Variants in MAGI2 observed in about 807,000 individuals in gnomAD.
MAGI2 encodes membrane associated guanylate kinase, WW and PDZ domain containing 2.
Under a neutral mutation model 133.3 loss-of-function variants are expected in MAGI2, and 35 were observed. That is an observed-to-expected ratio of 0.26 (90% CI 0.20 to 0.35). MAGI2 has a LOEUF of 0.35. Ranked by LOEUF, MAGI2 falls within the 10% of genes least tolerant of loss-of-function variation. The pLI is 1.00. For missense variants in MAGI2, 1,636 were observed against 1,863.4 expected, an observed-to-expected ratio of 0.88 and a Z score of 2.25; for synonymous variants, 729 against 710.6, an observed-to-expected ratio of 1.03 and a Z score of -0.41.
intron 18 of MAGI2, among the ~76,000 whole-genome samples, chr7:78,132,029 C>G (rs553533791): frequency 6.6e-6 from 1 of 152,236 alleles, no homozygotes; most frequent in Non-Finnish European, 1.5e-5. Flanking sequence ...CGTGTACCAC[C>G]ACAACCGGCT....
chr7:79,394,290 C>T (rs771132001), intron 1 of MAGI2, among the ~76,000 whole-genome samples: 5 of 152,134 alleles, frequency 3.3e-5, no homozygotes, highest in African/African-American at 9.7e-5. Context: ...ATGCCAGTCT[C>T]AACTGGAAAA....
chr7:79,251,804 A>G (rs1833295317), intron 1 of MAGI2, among the ~76,000 whole-genome samples: 1 of 152,182 alleles, frequency 6.6e-6, no homozygotes, highest in Non-Finnish European at 1.5e-5. Context: ...CTGCAGCACT[A>G]TTAACAATAG....
chr7:78,986,637 T>G (rs1259100630), intron 2 of MAGI2, among the ~76,000 whole-genome samples: 1 of 151,958 alleles, frequency 6.6e-6, no homozygotes, highest in African/African-American at 2.4e-5. Context: ...TCCTCCTGCC[T>G]TGGGCTCACA....
At chr7:79,420,787 T>A (rs1846902113) in intron 1 of MAGI2, among the ~76,000 whole-genome samples, 1 of 151,940 alleles carries the variant, frequency 6.6e-6, no homozygotes, top group Non-Finnish European at 1.5e-5. Context: ...ACCATAAAAA[T>A]CCAGAGGATG....
At chr7:78,655,756 C>A (rs1236528052) in intron 2 of MAGI2, among the ~76,000 whole-genome samples, 5 of 151,660 alleles carry the variant, frequency 3.3e-5, no homozygotes, top group African/African-American at 1.2e-4. Context: ...CCGAGGCGGG[C>A]GGATCACGAG....
At chr7:78,933,407 T>G (rs1394999326) in intron 2 of MAGI2, among the ~76,000 whole-genome samples, 2 of 152,134 alleles carry the variant, frequency 1.3e-5, no homozygotes, top group Non-Finnish European at 2.9e-5. Flanking sequence ...AGGTATCATA[T>G]AAACTGTTGC....
At chr7:78,941,342 A>G (rs559117144) in intron 2 of MAGI2, among the ~76,000 whole-genome samples, 3 of 152,092 alleles carry the variant, frequency 2.0e-5, no homozygotes, top group African/African-American at 7.2e-5. Flanking sequence ...GGTAATTTCT[A>G]TTTCTTTTTG....
At chr7:78,476,138 T>C (rs1371062657) in intron 6 of MAGI2, among the ~76,000 whole-genome samples, 3 of 151,950 alleles carry the variant, frequency 2.0e-5, no homozygotes, top group Non-Finnish European at 4.4e-5. Context: ...GTCTGTCATA[T>C]GGACAACCAG....
intron 1 of MAGI2, among the ~76,000 whole-genome samples, chr7:79,178,855 A>G (rs549011951): frequency 2.9e-4 from 44 of 152,156 alleles, no homozygotes; most frequent in Non-Finnish European, 5.1e-4. Context: ...AATATAGCAA[A>G]AGTTTGCCAT....
chr7:79,348,523 T>A (rs559062637), intron 1 of MAGI2, among the ~76,000 whole-genome samples: 1 of 152,060 alleles, frequency 6.6e-6, no homozygotes, highest in South Asian at 2.1e-4. Context: ...CAAATCTGCC[T>A]TATCAATTTC....
At chr7:78,665,579 A>G (rs1234344037) in intron 2 of MAGI2, among the ~76,000 whole-genome samples, 2 of 152,140 alleles carry the variant, frequency 1.3e-5, no homozygotes, top group East Asian at 3.9e-4. Context: ...GTTGATTTGG[A>G]TTATTACTTG....
At chr7:78,234,306 A>G (rs1302520823) in intron 10 of MAGI2, among the ~76,000 whole-genome samples, 1 of 152,198 alleles carries the variant, frequency 6.6e-6, no homozygotes, top group Non-Finnish European at 1.5e-5. Flanking sequence ...ACTGCTTCTG[A>G]ACTGAAATGC....
intron 2 of MAGI2, among the ~76,000 whole-genome samples, chr7:78,853,329 G>GTTTTTTTTTT (rs1563581211): frequency 2.1e-5 from 1 of 47,210 alleles, no homozygotes; most frequent in Admixed American, 2.7e-4. Context: ...TTGTCCATTC[G>GTTTTTTTTTT]TTCTTTTTTT....
intron 1 of MAGI2, among the ~76,000 whole-genome samples, chr7:79,154,163 A>C (rs146423011): frequency 2.8e-4 from 43 of 152,286 alleles, no homozygotes; most frequent in African/African-American, 1.0e-3. Context: ...CAACAGGTGA[A>C]AGTTAGTTTC....
At chr7:78,449,839 G>A (rs553246028) in intron 6 of MAGI2, among the ~76,000 whole-genome samples, 1 of 152,018 alleles carries the variant, frequency 6.6e-6, no homozygotes, top group African/African-American at 2.4e-5. Context: ...GTAATCAGAA[G>A]AGAATTAAAA....
At chr7:78,610,819 C>T (rs1286458822) in intron 3 of MAGI2, among the ~76,000 whole-genome samples, 1 of 152,092 alleles carries the variant, frequency 6.6e-6, no homozygotes, top group Non-Finnish European at 1.5e-5. Flanking sequence ...GTCAAGGAGG[C>T]ACAAATAGAA....
chr7:78,740,567 A>G (rs1484370704), intron 2 of MAGI2, among the ~76,000 whole-genome samples: 1 of 152,172 alleles, frequency 6.6e-6, no homozygotes, highest in Admixed American at 6.5e-5. Context: ...ATGACTGTCC[A>G]GTTTTAGGTG....
chr7:78,621,616 G>A (rs1369366610), intron 3 of MAGI2, among the ~76,000 whole-genome samples: 2 of 151,936 alleles, frequency 1.3e-5, no homozygotes, highest in Admixed American at 6.6e-5. Flanking sequence ...GCAGAAGAAA[G>A]GCTTTAAGAA....
intron 1 of MAGI2, among the ~76,000 whole-genome samples, chr7:79,103,675 T>TTTTA (rs879265866): frequency 8.8e-4 from 134 of 151,890 alleles, no homozygotes; most frequent in Non-Finnish European, 1.4e-3. Context: ...GCTGGCAGCA[T>TTTTA]TTTATTTATT....
Sources: allele counts gnomAD v4.1 joint callset (sites outside exome capture counted in the v4.1 genomes callset), GRCh38; gene constraint gnomAD v4.1.1; transcripts MANE v1.5; gene names NCBI Gene and HGNC (gene_info 2026-07-23, HGNC 2026-07-21).